Variants in TACR1 observed in about 807,000 individuals in gnomAD.
TACR1 encodes the protein tachykinin receptor 1, also known as substance-P receptor.
Under a neutral mutation model 35.8 loss-of-function variants are expected in TACR1, and 25 were observed. The observed-to-expected ratio is 0.70, with a 90% CI of 0.51 to 0.98. The LOEUF is 0.98. Ranked by LOEUF, TACR1 falls within the 50% of genes least tolerant of loss-of-function variation. TACR1 has a pLI of 0.00. For synonymous variants in TACR1, 195 were observed against 206.7 expected, an observed-to-expected ratio of 0.94 and a Z score of 0.48; for missense variants, 478 against 522.9, an observed-to-expected ratio of 0.91 and a Z score of 0.84.
intron 1 of TACR1, among the ~76,000 whole-genome samples, chr2:75,124,405 G>T (rs1220565853): frequency 6.6e-6 from 1 of 152,162 alleles, no homozygotes; most frequent in Admixed American, 6.5e-5. Context: ...TTTGTCCAGT[G>T]GGGCCCTTCT....
intron 2 of TACR1, among the ~76,000 whole-genome samples, chr2:75,078,209 T>C (rs1038518835): frequency 6.6e-6 from 1 of 152,138 alleles, no homozygotes; most frequent in African/African-American, 2.4e-5. Flanking sequence ...CTTAGCTGAA[T>C]TATGAGCCTA....
chr2:75,120,692 C>A lies in TACR1; in HGVS notation c.466G>T (p.Val156Phe), dbSNP rs1449279785. 1.9e-6 allele frequency: 3 copies of A among 1,613,806 alleles called. No homozygotes were observed. Among genetic ancestry groups the A allele is most frequent in the Non-Finnish European group, 2.5e-6 (3 of 1,179,968 alleles). The change falls in exon 2 of 5, where the codon GTC becomes TTC. Residue 156 changes from valine to phenylalanine, a missense_variant. Coordinates refer to ENST00000305249, the MANE Select transcript of TACR1 (RefSeq NM_001058.4). ...ATKVVICVIWVLALLLAFPQG... is the reference protein window; with the variant it reads ...ATKVVICVIWFLALLLAFPQG... The stretch of plus-strand genomic sequence containing the variant: ...GGGAAGGCCAGCAGGAGAGCCAGGA[C>A]CCAGATGACACAGATGACCACTTTG...
In TACR1 at chr2:75,154,526, A is replaced by ACTCT. The variant is rs375822745; in HGVS notation, c.390-33762_390-33759dup. The ACTCT allele has an allele frequency of 3.1e-4, 36 of 117,204 alleles. 1 individual carries two copies. Among genetic ancestry groups the ACTCT allele is most frequent in the East Asian group, 5.5e-4 (2 of 3,636 alleles). 7.3% of individuals were successfully genotyped at this position (117,204 alleles called of 1,614,324 possible). ...CACACACACACACACACACACACAC[A>ACTCT]CTCTCTGAAGAAACCCAGTGGAGAT... On this transcript the variant is annotated intron_variant, in intron 1 of 4. Coordinates refer to ENST00000305249, the MANE Select transcript of TACR1 (RefSeq NM_001058.4).
chr2:75,048,297 G>T lies in TACR1; in HGVS notation c.*1135C>A, dbSNP rs1465477981. ...GCCCCCACCCTAAAATACCCAAAAG[G>T]TTAAAGCAGGGAGCCCACATTTGTC... is the stretch of plus-strand genomic sequence containing the variant. On this transcript the variant is annotated 3_prime_UTR_variant, in exon 5 of 5. Transcript: ENST00000305249. The T allele has an allele frequency of 6.6e-6, 1 of 152,196 alleles. No homozygotes were observed. The highest frequency in any genetic ancestry group is 1.5e-5 in the Non-Finnish European group (1 of 68,038). The allele number at this position is 152,196 out of a possible 1,614,324, so 9.4% of individuals were successfully genotyped here. A position where few individuals can be genotyped will look rare whatever the true frequency, so the allele number is the denominator to read the frequency against.
At chr2:75,093,294 A>G (rs746761244) in intron 2 of TACR1, among the ~76,000 whole-genome samples, 3 of 152,182 alleles carry the variant, frequency 2.0e-5, no homozygotes, top group Non-Finnish European at 2.9e-5. Flanking sequence ...TTTGCATAGC[A>G]TCTATGCAGC....
At chr2:75,112,735 A>AT (rs1572937252) in intron 2 of TACR1, among the ~76,000 whole-genome samples, 1 of 152,154 alleles carries the variant, frequency 6.6e-6, no homozygotes, top group Admixed American at 6.5e-5. Flanking sequence ...AACAAATTTA[A>AT]TTTTGGCATT....
chr2:75,148,936 A>C (rs1051331608), intron 1 of TACR1, among the ~76,000 whole-genome samples: 1 of 152,232 alleles, frequency 6.6e-6, no homozygotes. Flanking sequence ...AATTCTCTGC[A>C]TATGGCTAGC....
chr2:75,161,125 C>T (rs1674999119), intron 1 of TACR1, among the ~76,000 whole-genome samples: 1 of 151,934 alleles, frequency 6.6e-6, no homozygotes, highest in South Asian at 2.1e-4. Flanking sequence ...ATTCACAATA[C>T]CATTCCTGGA....
chr2:75,071,902 T>G (rs1013733735), intron 2 of TACR1, among the ~76,000 whole-genome samples: 2 of 152,122 alleles, frequency 1.3e-5, no homozygotes, highest in Non-Finnish European at 2.9e-5. Flanking sequence ...GTTTGACAAT[T>G]ATCAGGTCAC....
intron 1 of TACR1, among the ~76,000 whole-genome samples, chr2:75,142,559 A>G (rs1380028336): frequency 2.6e-5 from 4 of 152,240 alleles, no homozygotes; most frequent in East Asian, 1.9e-4. Context: ...TCATGCGTTT[A>G]TGAACACATT....
intron 1 of TACR1, among the ~76,000 whole-genome samples, chr2:75,140,602 T>G (rs1160158863): frequency 6.6e-6 from 1 of 152,188 alleles, no homozygotes; most frequent in Non-Finnish European, 1.5e-5. Flanking sequence ...GGGTGGCCCC[T>G]TAAGAAGCCC....
chr2:75,105,781 CT>C (rs1291768382), intron 2 of TACR1, among the ~76,000 whole-genome samples: 1 of 151,852 alleles, frequency 6.6e-6, no homozygotes, highest in Non-Finnish European at 1.5e-5. Flanking sequence ...CATATTACCC[CT>C]GTGTAATCAT....
chr2:75,055,368 T>C (rs895448195), intron 2 of TACR1, among the ~76,000 whole-genome samples: 135 of 152,374 alleles, frequency 8.9e-4, no homozygotes, highest in African/African-American at 3.1e-3. Context: ...GACAGGCTGC[T>C]CCAGTCTCAC....
intron 2 of TACR1, among the ~76,000 whole-genome samples, chr2:75,071,335 G>T (rs967502562): frequency 4.6e-5 from 7 of 152,206 alleles, no homozygotes; most frequent in Admixed American, 3.9e-4. Flanking sequence ...CCTTATTTAG[G>T]CTATTGGGAT....
At chr2:75,146,631 C>T (rs907209571) in intron 1 of TACR1, among the ~76,000 whole-genome samples, 1 of 152,172 alleles carries the variant, frequency 6.6e-6, no homozygotes, top group Non-Finnish European at 1.5e-5. Flanking sequence ...TATTGCGTTA[C>T]TTGTGATGCT....
chr2:75,157,290 A>G (rs1674886591), intron 1 of TACR1, among the ~76,000 whole-genome samples: 1 of 152,100 alleles, frequency 6.6e-6, no homozygotes, highest in Non-Finnish European at 1.5e-5. Flanking sequence ...CCTTACTACC[A>G]TCTGCCCACT....
At chr2:75,053,479 T>A in intron 3 of TACR1, 126 bp downstream of exon 3, 1 of 1,221,352 alleles carries the variant, frequency 8.2e-7, no homozygotes, top group South Asian at 2.3e-5. Flanking sequence ...TCTCCTCCTC[T>A]CTGTTGCTCC....
At chr2:75,121,474 G>A (rs1294375544) in intron 1 of TACR1, among the ~76,000 whole-genome samples, 1 of 152,228 alleles carries the variant, frequency 6.6e-6, no homozygotes, top group Non-Finnish European at 1.5e-5. Flanking sequence ...CACAGCAAAT[G>A]ATGACTTCAT....
Position 75,047,840 on chromosome 2 carries a change from AT to A in TACR1, c.*1591del, listed in dbSNP as rs1170744849. 1 of 152,232 alleles carries A rather than the reference AT, an allele frequency of 6.6e-6. No individual in the cohort carries two copies. The highest frequency in any genetic ancestry group is 1.5e-5 in the Non-Finnish European group (1 of 68,048). 9.4% of individuals were successfully genotyped at this position (152,232 alleles called of 1,614,324 possible). On this transcript the variant is annotated 3_prime_UTR_variant, in exon 5 of 5. Transcript: ENST00000305249. ...GGCTGGCAAAGGCTGTAAACCATGC[AT>A]TATTCTCCCCTTAATGTTATGGATG...
Sources: allele counts gnomAD v4.1 joint callset (sites outside exome capture counted in the v4.1 genomes callset), GRCh38; gene constraint gnomAD v4.1.1; transcripts MANE v1.5; gene names NCBI Gene and HGNC (gene_info 2026-07-23, HGNC 2026-07-21).